Variants in MAP7D2 observed in about 807,000 individuals in gnomAD.
MAP7D2 encodes MAP7 domain-containing protein 2.
MAP7D2 carries 33 observed loss-of-function variants against 63.5 expected under a neutral mutation model. That is an observed-to-expected ratio of 0.52 (90% CI 0.39 to 0.70). The LOEUF is 0.70. Ranked by LOEUF, MAP7D2 falls within the 30% of genes least tolerant of loss-of-function variation. The pLI is 0.00. For missense variants in MAP7D2, 626 were observed against 604.0 expected (o/e 1.04, Z -0.38); for synonymous variants, 224 against 223.7 (o/e 1.00, Z -0.01).
At chrX:20,010,670 T>C in intron 16 of MAP7D2, 107 bp downstream of exon 16, 1 of 654,123 alleles carries the variant, frequency 1.5e-6, no homozygotes, top group African/African-American at 2.2e-5. Flanking sequence ...CATGTTTGCG[T>C]TTTTCAAATA....
chrX:20,038,559 C>T (rs12009153), intron 8 of MAP7D2, among the ~76,000 whole-genome samples: 39,807 of 110,471 alleles, frequency 0.36, 7,907 homozygotes, highest in African/African-American at 0.77. Flanking sequence ...GTTTCTCCCA[C>T]AGCCAGGATT....
In MAP7D2 at chrX:20,090,100, C is replaced by T. The variant is rs989555411; in HGVS notation, c.131-25295G>A. Among the ~76,000 whole-genome samples, 4 of 111,934 alleles carry T rather than the reference C, an allele frequency of 3.6e-5. No homozygotes were observed. In the Admixed American group the frequency reaches 3.8e-4, roughly 11 times the overall value. On this transcript the variant is annotated intron_variant, in intron 1 of 16. Coordinates refer to ENST00000379643, the MANE Select transcript of MAP7D2 (RefSeq NM_001168465.2). ...CTGCTGGGCCAAGAGCCCTGTGACA[C>T]GACTTCCAGAACTATTTTTGCACAG...
intron 1 of MAP7D2, among the ~76,000 whole-genome samples, chrX:20,068,807 T>C (rs1019368803): frequency 8.9e-6 from 1 of 111,886 alleles, no homozygotes; most frequent in Non-Finnish European, 1.9e-5. Flanking sequence ...AATTCCCAGG[T>C]GTTGTGGGAG....
chrX:20,105,249 G>A (rs1441263292), intron 1 of MAP7D2, among the ~76,000 whole-genome samples: 2 of 111,099 alleles, frequency 1.8e-5, no homozygotes, highest in African/African-American at 6.6e-5. Context: ...ACAAGGGTAG[G>A]GATAAAAAAT....
intron 1 of MAP7D2, among the ~76,000 whole-genome samples, chrX:20,105,698 G>A (rs1182801677): frequency 1.8e-5 from 2 of 111,128 alleles, no homozygotes; most frequent in African/African-American, 3.3e-5. Context: ...ATCTCACAGA[G>A]CCCATTGAAT....
chrX:20,115,998 A>G (rs765387487), intron 1 of MAP7D2, among the ~76,000 whole-genome samples: 1 of 112,910 alleles, frequency 8.9e-6, no homozygotes, highest in African/African-American at 3.2e-5. Flanking sequence ...CTGCTTATCT[A>G]AAATCCTGCC....
At chrX:20,025,182 C>G in intron 9 of MAP7D2, 99 bp from the exon 10 acceptor site, 1 of 1,015,106 alleles carries the variant, frequency 9.9e-7, no homozygotes, top group Non-Finnish European at 1.3e-6. Flanking sequence ...AAAAAAAATC[C>G]AACCCAGTGT....
At chrX:20,052,365 T>A (rs185980468) in intron 5 of MAP7D2, 68 of 265,355 alleles carry the variant, frequency 2.6e-4, no homozygotes, top group African/African-American at 1.9e-3. Flanking sequence ...ACCCAACCTT[T>A]TCCTCTTTTA....
chrX:20,098,662 G>A (rs1295252147), intron 1 of MAP7D2, among the ~76,000 whole-genome samples: 2 of 111,626 alleles, frequency 1.8e-5, no homozygotes, highest in Non-Finnish European at 1.9e-5. Context: ...AATGTTGAGC[G>A]GAGATCCAGT....
chrX:20,079,169 T>C (rs2065717335), intron 1 of MAP7D2, among the ~76,000 whole-genome samples: 1 of 110,773 alleles, frequency 9.0e-6, no homozygotes, highest in East Asian at 2.9e-4. Flanking sequence ...ACTGTGGCCC[T>C]GTGAAGAAGT....
intron 6 of MAP7D2, among the ~76,000 whole-genome samples, chrX:20,048,118 T>C (rs777670368): frequency 1.2e-3 from 135 of 111,691 alleles, no homozygotes; most frequent in Admixed American, 1.9e-3. Flanking sequence ...AAGGTTAGCC[T>C]TTAGCCAGCA....
At chrX:20,081,545 C>A (rs2065777564) in intron 1 of MAP7D2, among the ~76,000 whole-genome samples, 1 of 112,015 alleles carries the variant, frequency 8.9e-6, no homozygotes, top group Non-Finnish European at 1.9e-5. Context: ...GTCCCTCCAA[C>A]CTCACTGTTA....
In MAP7D2 at chrX:20,013,580, G is replaced by C. The variant is rs1256722194; in HGVS notation, c.1795C>G (p.Pro599Ala). ...MKRTRKSDVS[P>A]QVKKEDPKVG... ...ATTTGAATTCCTACCTTCACTTGTG[G>C]AGACACATCACTTTTCCTTGTTCTC... Residue 599 changes from proline (P) to alanine (A), a missense_variant, in exon 13 of 17, where the codon CCA (proline) becomes GCA (alanine). Physicochemically the swap from Pro to Ala is conservative, Grantham distance 27. Transcript: ENST00000379643. 3 of 1,196,261 alleles carry C rather than the reference G, an allele frequency of 2.5e-6. No homozygotes were observed. In the South Asian group the frequency reaches 5.5e-5, roughly 22 times the overall value.
At chrX:20,046,333 A>T (rs1426855325) in intron 6 of MAP7D2, among the ~76,000 whole-genome samples, 1 of 112,117 alleles carries the variant, frequency 8.9e-6, no homozygotes, top group African/African-American at 3.2e-5. Flanking sequence ...CATTGGCTCT[A>T]TTATTTCTGA....
Position 20,025,939 on chromosome X carries a change from C to A in MAP7D2, c.1021G>T (p.Ala341Ser), listed in dbSNP as rs2073827481. The A allele has an allele frequency of 8.3e-7, 1 of 1,208,597 alleles. No homozygotes were observed. The highest frequency in any genetic ancestry group is 1.1e-6 in the Non-Finnish European group (1 of 894,477). Reference protein sequence around the residue: ...SPVISKTATKAYPQSPKTTKP... With the variant: ...SPVISKTATKSYPQSPKTTKP... ...GTTGTCTTTGGAGACTGTGGATAAGCTTTAGTAGCTGTCCTGGAAAACAAA... is the reference window on the plus strand; with the variant it reads ...GTTGTCTTTGGAGACTGTGGATAAGATTTAGTAGCTGTCCTGGAAAACAAA... Residue 341 changes from alanine to serine, a missense_variant, in exon 9 of 17, where the codon GCT (alanine) becomes TCT (serine). Transcript: ENST00000379643.
At chrX:20,089,052 G>T (rs2065997051) in intron 1 of MAP7D2, among the ~76,000 whole-genome samples, 1 of 111,633 alleles carries the variant, frequency 9.0e-6, no homozygotes, top group Non-Finnish European at 1.9e-5. Flanking sequence ...CAGTGCTAGG[G>T]TTACAGGTGT....
intron 8 of MAP7D2, among the ~76,000 whole-genome samples, chrX:20,027,229 G>A (rs1332171180): frequency 8.9e-6 from 1 of 112,094 alleles, no homozygotes; most frequent in African/African-American, 3.2e-5. Context: ...ATGGTGCTTC[G>A]ACTCTCTGCA....
chrX:20,110,972 C>A (rs1357672754), intron 1 of MAP7D2, among the ~76,000 whole-genome samples: 2 of 111,647 alleles, frequency 1.8e-5, no homozygotes, highest in African/African-American at 3.3e-5. Flanking sequence ...CTGAACACAG[C>A]AAAAATGACA....
At chrX:20,094,504 A>ACATATATG (rs2066165280) in intron 1 of MAP7D2, among the ~76,000 whole-genome samples, 1 of 22,099 alleles carries the variant, frequency 4.5e-5, no homozygotes, top group African/African-American at 1.5e-4. Context: ...ATATATATAT[A>ACATATATG]TATATATATA....
Sources: allele counts gnomAD v4.1 joint callset (sites outside exome capture counted in the v4.1 genomes callset), GRCh38; gene constraint gnomAD v4.1.1; transcripts MANE v1.5; gene names NCBI Gene and HGNC (gene_info 2026-07-23, HGNC 2026-07-21).